Variants in LRRC49 observed in about 807,000 individuals in gnomAD.
LRRC49 encodes leucine rich repeat containing 49.
Under a neutral mutation model 83.3 loss-of-function variants are expected in LRRC49, and 50 were observed. The observed-to-expected ratio is 0.60, with a 90% CI of 0.48 to 0.76. LRRC49 has a LOEUF of 0.76. Among genes scored for constraint, LRRC49 ranks in the 30% least tolerant of loss-of-function variants. The pLI is 0.00. For missense variants in LRRC49, 704 were observed against 809.1 expected, an observed-to-expected ratio of 0.87 and a Z score of 1.58; for synonymous variants, 286 against 283.3, an observed-to-expected ratio of 1.01 and a Z score of -0.10.
chr15:70,892,885 G>T lies in LRRC49; in HGVS notation c.-10G>T, dbSNP rs775689591. ...GCAGATCTAACAGAGAACCTGGACTGTCTCCTATCATGATTCCCGGGAAAT... is the reference window on the plus strand; with the variant it reads ...GCAGATCTAACAGAGAACCTGGACTTTCTCCTATCATGATTCCCGGGAAAT... On this transcript the variant is annotated 5_prime_UTR_variant, in exon 1 of 16. Coordinates refer to ENST00000260382, the MANE Select transcript of LRRC49 (RefSeq NM_017691.5). 16 of 1,614,214 alleles carry T rather than the reference G, an allele frequency of 9.9e-6. No homozygotes were observed. In the South Asian group the frequency reaches 1.8e-4, roughly 18 times the overall value.
intron 5 of LRRC49, among the ~76,000 whole-genome samples, chr15:70,909,233 G>C (rs2034446611): frequency 6.6e-6 from 1 of 152,108 alleles, no homozygotes; most frequent in African/African-American, 2.4e-5. Context: ...GTAATCACAG[G>C]CCAGCATTTT....
In LRRC49 at chr15:71,017,764, C is replaced by T. The variant is rs568463512; in HGVS notation, c.1703+4851C>T. Among the ~76,000 whole-genome samples the T allele has an allele frequency of 2.6e-5, 4 of 152,276 alleles. No homozygotes were observed. The South Asian group carries it at 6.2e-4, about 24-fold the overall frequency. ...ACTGTACATGTTGGTAGAAGTGTAA[C>T]ATGACTTTTGGTGGAAGGTAGTTTC... is the stretch of plus-strand genomic sequence containing the variant. On this transcript the variant is annotated intron_variant, in intron 14 of 15. Coordinates refer to ENST00000260382, the MANE Select transcript of LRRC49 (RefSeq NM_017691.5).
At chr15:71,001,187 T>G (rs1355468361) in intron 11 of LRRC49, among the ~76,000 whole-genome samples, 1 of 152,206 alleles carries the variant, frequency 6.6e-6, no homozygotes, top group East Asian at 1.9e-4. Flanking sequence ...ATTTTTATAT[T>G]TGAGGTTAAG....
At chr15:71,026,605 C>T (rs1294250633) in intron 14 of LRRC49, among the ~76,000 whole-genome samples, 1 of 152,188 alleles carries the variant, frequency 6.6e-6, no homozygotes, top group Non-Finnish European at 1.5e-5. Flanking sequence ...TCGCCAGCAT[C>T]TGTTGTTTGT....
intron 14 of LRRC49, among the ~76,000 whole-genome samples, chr15:71,036,367 T>C (rs2039519167): frequency 6.6e-6 from 1 of 152,184 alleles, no homozygotes; most frequent in Admixed American, 6.5e-5. Context: ...ACTTTTCAAA[T>C]TTGCACTTCC....
At chr15:70,885,261 C>T (rs1389305837) in intron 2 of LRRC49, among the ~76,000 whole-genome samples, 1 of 152,016 alleles carries the variant, frequency 6.6e-6, no homozygotes, top group African/African-American at 2.4e-5. Flanking sequence ...TCATAACAGA[C>T]ATAGGGGATA....
chr15:70,882,318 C>G (rs2033283084), intron 2 of LRRC49: 1 of 763,604 alleles, frequency 1.3e-6, no homozygotes, highest in Non-Finnish European at 2.1e-6. Context: ...AAACTTTTGC[C>G]TTAGAGCTAA....
intron 2 of LRRC49, among the ~76,000 whole-genome samples, chr15:70,880,772 A>T (rs1193572426): frequency 6.6e-6 from 1 of 152,214 alleles, no homozygotes; most frequent in Non-Finnish European, 1.5e-5. Context: ...AACATGTAGA[A>T]ATGAAGTAGA....
At chr15:70,981,428 G>A (rs2037393506) in intron 10 of LRRC49, among the ~76,000 whole-genome samples, 2 of 151,584 alleles carry the variant, frequency 1.3e-5, no homozygotes, top group South Asian at 2.1e-4. Context: ...AAACCACCAT[G>A]GCACATGTAT....
At chr15:71,025,119 A>G (rs1368022350) in intron 14 of LRRC49, among the ~76,000 whole-genome samples, 1 of 152,220 alleles carries the variant, frequency 6.6e-6, no homozygotes, top group African/African-American at 2.4e-5. Context: ...GCTGGAAAAC[A>G]TACTTCAAGA....
chr15:70,910,609 G>A (rs890833071), intron 5 of LRRC49, among the ~76,000 whole-genome samples: 11 of 152,090 alleles, frequency 7.2e-5, no homozygotes, highest in African/African-American at 2.4e-4. Context: ...ATAAATATAA[G>A]CATTTTACAA....
chr15:71,027,600 G>T (rs1157016113), intron 14 of LRRC49, among the ~76,000 whole-genome samples: 1 of 152,014 alleles, frequency 6.6e-6, no homozygotes, highest in Non-Finnish European at 1.5e-5. Context: ...CCATTTGTTT[G>T]TGTCCTCTCT....
At chr15:70,985,989 A>ATC (rs1221592830) in intron 11 of LRRC49, among the ~76,000 whole-genome samples, 2 of 149,806 alleles carry the variant, frequency 1.3e-5, no homozygotes, top group Admixed American at 1.3e-4. Flanking sequence ...ATTGATCTAT[A>ATC]TCTCTGTTTT....
At chr15:71,016,921 C>A (rs770874130) in intron 14 of LRRC49, among the ~76,000 whole-genome samples, 1 of 151,924 alleles carries the variant, frequency 6.6e-6, no homozygotes, top group Admixed American at 6.6e-5. Context: ...GCCTGGGCAA[C>A]ATGGCAAGAC....
chr15:70,930,696 T>C (rs925031579), intron 7 of LRRC49, among the ~76,000 whole-genome samples: 1 of 152,240 alleles, frequency 6.6e-6, no homozygotes, highest in Non-Finnish European at 1.5e-5. Context: ...TCATCAGTTA[T>C]CTTAGCTGGA....
intron 8 of LRRC49, among the ~76,000 whole-genome samples, chr15:70,945,519 C>CTG (rs749607668): frequency 0.22 from 29,573 of 135,658 alleles, 3,273 homozygotes; most frequent in Admixed American, 0.29. Context: ...ATTTAACAAC[C>CTG]TGTGTGTGTG....
intron 4 of LRRC49, among the ~76,000 whole-genome samples, chr15:70,901,352 C>A (rs1001016415): frequency 1.3e-5 from 2 of 152,148 alleles, no homozygotes; most frequent in Non-Finnish European, 2.9e-5. Flanking sequence ...CCTATCCAGT[C>A]TAGTTTCCTG....
chr15:70,958,314 A>G (rs2036476318), intron 8 of LRRC49, among the ~76,000 whole-genome samples: 1 of 152,162 alleles, frequency 6.6e-6, no homozygotes, highest in Non-Finnish European at 1.5e-5. Flanking sequence ...TTCTGATCAT[A>G]TTAACTGCCT....
intron 9 of LRRC49, among the ~76,000 whole-genome samples, chr15:70,972,878 A>C (rs543553895): frequency 6.6e-6 from 1 of 152,162 alleles, no homozygotes; most frequent in South Asian, 2.1e-4. Flanking sequence ...TCTTGTTAGC[A>C]GTTCCTGTAA....
Sources: gnomAD v4.1 joint callset for allele counts (sites outside exome capture counted in the v4.1 genomes callset) on GRCh38, gnomAD v4.1.1 for gene constraint, MANE v1.5 for transcripts, NCBI Gene and HGNC (gene_info 2026-07-23, HGNC 2026-07-21) for gene names.